MECOM: variants seen among roughly 807,000 people sequenced by gnomAD.
MECOM encodes MDS1 and EVI1 complex locus.
MECOM carries 13 observed loss-of-function variants against 116.3 expected under a neutral mutation model. That is an observed-to-expected ratio of 0.11 (90% CI 0.07 to 0.18). MECOM has a LOEUF of 0.18. Among genes scored for constraint, MECOM ranks in the 10% least tolerant of loss-of-function variants. MECOM has a pLI of 1.00. For synonymous variants in MECOM, 528 were observed against 535.2 expected, an observed-to-expected ratio of 0.99 and a Z score of 0.19; for missense variants, 1,299 against 1,509.0, an observed-to-expected ratio of 0.86 and a Z score of 2.31.
chr3:169,191,953 C>A (rs1350246577), intron 2 of MECOM, among the ~76,000 whole-genome samples: 1 of 151,936 alleles, frequency 6.6e-6, no homozygotes, highest in Non-Finnish European at 1.5e-5. Context: ...AGATACTGAA[C>A]AGAGAATAGA....
intron 2 of MECOM, among the ~76,000 whole-genome samples, chr3:169,369,761 TC>T (rs1443776800): frequency 3.5e-4 from 52 of 149,840 alleles, no homozygotes; most frequent in African/African-American, 1.2e-3. Context: ...TGGCATTTTC[TC>T]TGTTTTTAAT....
intron 1 of MECOM, among the ~76,000 whole-genome samples, chr3:169,507,203 A>T (rs1045683437): frequency 1.3e-5 from 2 of 152,228 alleles, no homozygotes; most frequent in African/African-American, 4.8e-5. Flanking sequence ...CTCTGAAAAG[A>T]TCTGTCCTCT....
rs115880454 is a variant in MECOM at position 169,562,207 on chromosome 3, G to A, written c.37+101129C>T. On this transcript the variant is annotated intron_variant, in intron 1 of 16. Coordinates refer to ENST00000651503, the MANE Select transcript of MECOM (RefSeq NM_004991.4). The stretch of plus-strand genomic sequence containing the variant: ...AAAAAGATAGAAAAAGAAACAATGA[G>A]CACCTAAAACATTCTTTATTGGAAA... Among the ~76,000 whole-genome samples the A allele has an allele frequency of 5.9e-3, 795 of 134,428 alleles. 7 individuals are homozygous for A. Among genetic ancestry groups the A allele is most frequent in the Middle Eastern group, 0.012 (3 of 260 alleles). The allele number at this position is 134,428 out of a possible 152,430, so 88.2% of individuals were successfully genotyped here. A position where few individuals can be genotyped will look rare whatever the true frequency, so the allele number is the denominator to read the frequency against.
intron 2 of MECOM, among the ~76,000 whole-genome samples, chr3:169,177,733 C>G (rs867380041): frequency 6.6e-6 from 1 of 151,826 alleles, no homozygotes; most frequent in Non-Finnish European, 1.5e-5. Context: ...CCTGGACAAC[C>G]TGGTGAAATA....
intron 2 of MECOM, among the ~76,000 whole-genome samples, chr3:169,349,080 C>A (rs542273869): frequency 6.6e-6 from 1 of 150,752 alleles, no homozygotes; most frequent in South Asian, 2.1e-4. Context: ...CTCCCCTTTC[C>A]CCCCTCCCCC....
intron 2 of MECOM, among the ~76,000 whole-genome samples, chr3:169,378,449 G>GA (rs780989804): frequency 0.049 from 2,900 of 59,080 alleles, 398 homozygotes; most frequent in South Asian, 0.056. Flanking sequence ...AAGAAAGAAA[G>GA]AAGGAAAGCA....
chr3:169,108,625 G>T (rs1478337558), intron 9 of MECOM, among the ~76,000 whole-genome samples: 2 of 152,272 alleles, frequency 1.3e-5, no homozygotes, highest in East Asian at 1.9e-4. Flanking sequence ...GGTTAAAGGA[G>T]ATATATATTT....
At chr3:169,588,290 T>A (rs1168412425) in intron 1 of MECOM, among the ~76,000 whole-genome samples, 1 of 152,216 alleles carries the variant, frequency 6.6e-6, no homozygotes, top group Non-Finnish European at 1.5e-5. Flanking sequence ...GTGACTTATA[T>A]ACCTTTCTTT....
chr3:169,610,593 A>G (rs1418681029), intron 1 of MECOM, among the ~76,000 whole-genome samples: 1 of 152,122 alleles, frequency 6.6e-6, no homozygotes, highest in Admixed American at 6.6e-5. Flanking sequence ...TCCCAAACTC[A>G]TACAAATAGT....
chr3:169,659,304 T>C (rs1560546370), intron 1 of MECOM, among the ~76,000 whole-genome samples: 2 of 152,050 alleles, frequency 1.3e-5, no homozygotes, highest in Non-Finnish European at 2.9e-5. Context: ...GACCTGCAAC[T>C]CTGCAGTCCC....
intron 1 of MECOM, among the ~76,000 whole-genome samples, chr3:169,393,722 T>A (rs1343061301): frequency 2.0e-5 from 3 of 152,162 alleles, no homozygotes; most frequent in Non-Finnish European, 4.4e-5. Flanking sequence ...CTGGTAAACC[T>A]TCTTTAACTG....
intron 1 of MECOM, chr3:169,389,532 T>G (rs1733906263): frequency 1.5e-5 from 15 of 984,846 alleles, no homozygotes; most frequent in Non-Finnish European, 1.6e-5. Context: ...CAGTACAAAT[T>G]TTTGAGAGAC....
chr3:169,366,668 CT>C (rs1304506982), intron 2 of MECOM, among the ~76,000 whole-genome samples: 1 of 151,960 alleles, frequency 6.6e-6, no homozygotes, highest in African/African-American at 2.4e-5. Flanking sequence ...CATCACACAC[CT>C]GCTGAATTCT....
intron 10 of MECOM, 115 bp from the exon 11 acceptor site, chr3:169,102,341 G>C (rs549227539): frequency 3.5e-6 from 3 of 858,256 alleles, no homozygotes; most frequent in South Asian, 4.5e-5. Context: ...ACGGGTTGTA[G>C]AAAGAGACTG....
chr3:169,535,479 G>A (rs1339117401), intron 1 of MECOM, among the ~76,000 whole-genome samples: 2 of 152,118 alleles, frequency 1.3e-5, no homozygotes, highest in Non-Finnish European at 2.9e-5. Context: ...ATGTCTAGGT[G>A]CCACCTGGGC....
intron 1 of MECOM, among the ~76,000 whole-genome samples, chr3:169,402,571 G>T (rs780304642): frequency 6.6e-6 from 1 of 152,008 alleles, no homozygotes; most frequent in Non-Finnish European, 1.5e-5. Context: ...CAGGAGAATC[G>T]CTTGAACCCT....
chr3:169,098,073 C>G (rs6796595), intron 12 of MECOM, among the ~76,000 whole-genome samples: 134,382 of 152,052 alleles, frequency 0.88, 59,519 homozygotes, highest in Admixed American at 0.9. Context: ...TTACAGAAGA[C>G]TTGCAAAGAT....
At chr3:169,120,936 G>C in intron 7 of MECOM, 120 bp downstream of exon 7, 2 of 985,282 alleles carry the variant, frequency 2.0e-6, no homozygotes, top group Non-Finnish European at 2.9e-6. Flanking sequence ...CTACTGGATT[G>C]GACCATAAAT....
At chr3:169,457,970 G>A (rs770363801) in intron 1 of MECOM, among the ~76,000 whole-genome samples, 2 of 152,168 alleles carry the variant, frequency 1.3e-5, no homozygotes, top group Non-Finnish European at 2.9e-5. Context: ...TTTATTACCT[G>A]CCTAAGCAAA....
Sources: allele counts gnomAD v4.1 joint callset (sites outside exome capture counted in the v4.1 genomes callset), GRCh38; gene constraint gnomAD v4.1.1; transcripts MANE v1.5; gene names NCBI Gene and HGNC (gene_info 2026-07-23, HGNC 2026-07-21).